The following TGFBR1 variants were observed in gnomAD, a reference collection of about 807,000 sequenced individuals.
TGFBR1 encodes the protein transforming growth factor beta receptor 1.
Under a neutral mutation model 55.1 loss-of-function variants are expected in TGFBR1, and 20 were observed. The ratio of observed to expected loss-of-function variants is 0.36; its 90% CI spans 0.26 to 0.53. TGFBR1 has a LOEUF of 0.53. Among genes scored for constraint, TGFBR1 ranks in the 20% least tolerant of loss-of-function variants. The pLI, the probability that TGFBR1 is intolerant of heterozygous loss-of-function variation, is 0.91. For missense variants in TGFBR1, 385 were observed against 617.6 expected, an observed-to-expected ratio of 0.62 and a Z score of 3.99; for synonymous variants, 220 against 214.8, an observed-to-expected ratio of 1.02 and a Z score of -0.21.
chr9:99,147,782 G>A lies in TGFBR1; in HGVS notation c.1384G>A (p.Glu462Lys). 1.2e-6 allele frequency: 2 copies of A among 1,613,736 alleles called. No individual in the cohort carries two copies. Among genetic ancestry groups the A allele is most frequent in the Non-Finnish European group, 1.7e-6 (2 of 1,179,780 alleles). The change falls in exon 8 of 9, where the codon GAA (glutamate) becomes AAA (lysine). Residue 462 changes from glutamate to lysine, a missense_variant and splice_region_variant. This residue lies in a region of TGFBR1 where 110 missense variants were observed against 154.6 expected (regional missense o/e 0.71). Coordinates refer to ENST00000374994, the MANE Select transcript of TGFBR1 (RefSeq NM_004612.4). ...PNIPNRWQSC[E>K]ALRVMAKIMR... The stretch of plus-strand genomic sequence containing the variant: ...TATCCCAAACAGATGGCAGAGCTGT[G>A]AAGTGAGTATTTCTTTTTGATATTA...
At position 99,132,669 on chromosome 9, in the gene TGFBR1, C is replaced by T. The variant is rs1396275497; in HGVS notation, c.504C>T (p.Arg168=). 6.2e-7 allele frequency: 1 copy of T among 1,613,942 alleles called. No homozygotes were observed. The highest frequency in any genetic ancestry group is 8.5e-7 in the Non-Finnish European group (1 of 1,180,028). The change falls in exon 3 of 9, where the codon CGC becomes CGT. Residue 168 remains arginine (R), a synonymous_variant. Transcript: ENST00000374994. The part of the protein sequence containing the change: ...VPNEEDPSLD[R]PFISEGTTLK... ...ATGAAGAGGACCCTTCATTAGATCGCCCTTTTATTTCAGAGGGTACTACGT... is the reference window on the plus strand; with the variant it reads ...ATGAAGAGGACCCTTCATTAGATCGTCCTTTTATTTCAGAGGGTACTACGT...
At chr9:99,112,983 C>T (rs958705114) in intron 1 of TGFBR1, among the ~76,000 whole-genome samples, 1 of 152,142 alleles carries the variant, frequency 6.6e-6, no homozygotes, top group Non-Finnish European at 1.5e-5. Flanking sequence ...TGTCCTAAAA[C>T]GCTACCTTAA....
chr9:99,141,547 G>T (rs895532315), intron 4 of TGFBR1, among the ~76,000 whole-genome samples: 1 of 152,144 alleles, frequency 6.6e-6, no homozygotes, highest in African/African-American at 2.4e-5. Flanking sequence ...GTCTTACAAA[G>T]TAAGACTTTA....
At chr9:99,120,035 G>A (rs531867732) in intron 1 of TGFBR1, among the ~76,000 whole-genome samples, 1 of 152,294 alleles carries the variant, frequency 6.6e-6, no homozygotes, top group South Asian at 2.1e-4. Context: ...TTTATTATGT[G>A]CTGGGCACTG....
Position 99,128,907 on chromosome 9 carries a change from A to G in TGFBR1, c.150A>G (p.Thr50=). The G allele has an allele frequency of 6.2e-7, 1 of 1,614,026 alleles. No individual in the cohort carries two copies. The highest frequency in any genetic ancestry group is 8.5e-7 in the Non-Finnish European group (1 of 1,179,944). The change falls in exon 2 of 9, where the codon ACA becomes ACG. Residue 50 remains threonine (T), a synonymous_variant. Transcript: ENST00000374994. The stretch of plus-strand genomic sequence containing the variant: ...CAAAAGACAATTTTACTTGTGTGAC[A>G]GATGGGCTCTGCTTTGTCTCTGTCA... The part of the protein sequence containing the change: ...LCTKDNFTCV[T]DGLCFVSVTE...
rs777629792 is a variant in TGFBR1, at chr9:99,149,170, TTTC to T, written c.1387-7_1387-5del. ...CATGCATTAATTTTTTTTTTTATATTTTCTTGTAGGCCTTGAGAGTAATGGCTA... is the reference window on the plus strand; with the variant it reads ...CATGCATTAATTTTTTTTTTTATATTTTGTAGGCCTTGAGAGTAATGGCTA... On this transcript the variant is annotated splice_region_variant and splice_polypyrimidine_tract_variant and intron_variant, in intron 8 of 8. Transcript: ENST00000374994. 1.9e-6 allele frequency: 3 copies of T among 1,588,522 alleles called. No individual in the cohort carries two copies.
intron 8 of TGFBR1, among the ~76,000 whole-genome samples, chr9:99,148,633 T>A (rs573980191): frequency 1.3e-5 from 2 of 152,264 alleles, no homozygotes; most frequent in African/African-American, 4.8e-5. Flanking sequence ...ATAAATAAAA[T>A]GTATTTCAGC....
At chr9:99,144,295 A>AT (rs1303422183) in intron 5 of TGFBR1, among the ~76,000 whole-genome samples, 2 of 152,182 alleles carry the variant, frequency 1.3e-5, no homozygotes, top group African/African-American at 4.8e-5. Context: ...CATTATAATT[A>AT]TTATTTTTTA....
At chr9:99,140,676 C>T (rs1827588338) in intron 4 of TGFBR1, among the ~76,000 whole-genome samples, 2 of 152,288 alleles carry the variant, frequency 1.3e-5, no homozygotes, top group East Asian at 1.9e-4. Flanking sequence ...TTACTCTTCT[C>T]ACTGGTTCAT....
At chr9:99,128,323 A>G (rs11568755) in intron 1 of TGFBR1, among the ~76,000 whole-genome samples, 185 of 152,218 alleles carry the variant, frequency 1.2e-3, no homozygotes, top group African/African-American at 4.1e-3. Context: ...ACCAAGGGGA[A>G]TAGAGAGTGT....
intron 1 of TGFBR1, among the ~76,000 whole-genome samples, chr9:99,115,246 C>G (rs1826702356): frequency 6.6e-6 from 1 of 151,870 alleles, no homozygotes; most frequent in Non-Finnish European, 1.5e-5. Context: ...TTTCCTTGTT[C>G]TCACCACCAA....
chr9:99,116,738 A>G (rs927962266), intron 1 of TGFBR1, among the ~76,000 whole-genome samples: 2 of 152,162 alleles, frequency 1.3e-5, no homozygotes, highest in Non-Finnish European at 2.9e-5. Flanking sequence ...GGAAACCCAT[A>G]TTCCTAATGC....
intron 1 of TGFBR1, among the ~76,000 whole-genome samples, chr9:99,119,911 C>T (rs983504317): frequency 6.6e-6 from 1 of 152,218 alleles, no homozygotes; most frequent in East Asian, 1.9e-4. Flanking sequence ...CCTACCAGAG[C>T]TGTCTCAACA....
intron 1 of TGFBR1, among the ~76,000 whole-genome samples, chr9:99,119,259 T>G (rs1349032228): frequency 6.6e-6 from 1 of 152,220 alleles, no homozygotes; most frequent in Non-Finnish European, 1.5e-5. Context: ...GGTTACCACT[T>G]CCTTCTCTTA....
intron 7 of TGFBR1, among the ~76,000 whole-genome samples, chr9:99,147,254 C>A (rs1827823513): frequency 6.6e-6 from 1 of 152,060 alleles, no homozygotes; most frequent in South Asian, 2.1e-4. Flanking sequence ...GGACTTGGCA[C>A]CTTAAACTTG....
chr9:99,143,058 C>T (rs545327969), intron 5 of TGFBR1, among the ~76,000 whole-genome samples: 1 of 150,934 alleles, frequency 6.6e-6, no homozygotes, highest in East Asian at 1.9e-4. Flanking sequence ...GACCCTGTCT[C>T]AGAAAAAAAA....
intron 1 of TGFBR1, among the ~76,000 whole-genome samples, chr9:99,106,956 A>C (rs1041823101): frequency 6.6e-6 from 1 of 152,236 alleles, no homozygotes; most frequent in Non-Finnish European, 1.5e-5. Context: ...TGGGAGAATC[A>C]GTATAGTTAG....
At chr9:99,129,908 G>A (rs1400043469) in intron 2 of TGFBR1, among the ~76,000 whole-genome samples, 1 of 151,750 alleles carries the variant, frequency 6.6e-6, no homozygotes, top group East Asian at 1.9e-4. Context: ...AAAAAAAAAA[G>A]ATAATAAATA....
rs879166510 is a variant in TGFBR1 at position 99,151,386 on chromosome 9, GTT to G, written c.*2090_*2091del. Reference sequence around the variant, plus strand: ...GTGATCAGGTACTTTTTTTGTGGGGGTTTTTTTTTTGTTTTTTTTTTTTTGTT... The same window carrying G: ...GTGATCAGGTACTTTTTTTGTGGGGGTTTTTTTTGTTTTTTTTTTTTTGTT... On this transcript the variant is annotated 3_prime_UTR_variant, in exon 9 of 9. Coordinates refer to ENST00000374994, the MANE Select transcript of TGFBR1 (RefSeq NM_004612.4). 39 of 194,514 alleles carry G rather than the reference GTT, an allele frequency of 2.0e-4. No homozygotes were observed. The highest frequency in any genetic ancestry group is 9.7e-4 in the African/African-American group (37 of 38,182). The allele number at this position is 194,514 out of a possible 1,614,324, so 12.0% of individuals were successfully genotyped here. A position where few individuals can be genotyped will look rare whatever the true frequency, so the allele number is the denominator to read the frequency against.
Sources: gnomAD v4.1 joint callset for allele counts (sites outside exome capture counted in the v4.1 genomes callset) on GRCh38, gnomAD v4.1.1 for gene constraint, gnomAD v4.1.1 regional missense constraint, MANE v1.5 for transcripts, NCBI Gene and HGNC (gene_info 2026-07-23, HGNC 2026-07-21) for gene names.